Variants in CNTNAP2 observed in about 807,000 individuals in gnomAD.
CNTNAP2 encodes contactin associated protein 2.
Under a neutral mutation model 155.2 loss-of-function variants are expected in CNTNAP2, and 98 were observed. The observed-to-expected ratio is 0.63, with a 90% CI of 0.54 to 0.75. CNTNAP2 has a LOEUF of 0.75. Ranked by LOEUF, CNTNAP2 falls within the 30% of genes least tolerant of loss-of-function variation. The pLI is 0.00. For synonymous variants in CNTNAP2, 651 were observed against 631.2 expected (o/e 1.03, Z -0.47); for missense variants, 1,727 against 1,688.1 (o/e 1.02, Z -0.40).
chr7:147,679,651 A>G (rs1057332375), intron 13 of CNTNAP2, among the ~76,000 whole-genome samples: 1 of 151,854 alleles, frequency 6.6e-6, no homozygotes, highest in African/African-American at 2.4e-5. Context: ...AAATCTCTTG[A>G]TGTGCCACAT....
chr7:147,949,127 A>G (rs1473729867), intron 14 of CNTNAP2, among the ~76,000 whole-genome samples: 2 of 151,804 alleles, frequency 1.3e-5, no homozygotes, highest in South Asian at 2.1e-4. Context: ...CTTGAACCCA[A>G]GAGGCGGAGG....
chr7:147,210,342 A>G (rs562491608), intron 8 of CNTNAP2, among the ~76,000 whole-genome samples: 19 of 152,044 alleles, frequency 1.2e-4, no homozygotes, highest in African/African-American at 4.6e-4. Context: ...TGTTTTCAGG[A>G]ATTTATCCAT....
chr7:147,180,300 A>G (rs771427561), intron 8 of CNTNAP2, among the ~76,000 whole-genome samples: 2 of 152,164 alleles, frequency 1.3e-5, no homozygotes, highest in Non-Finnish European at 2.9e-5. Flanking sequence ...TTTTGGAGTG[A>G]CTAATCAAAA....
At chr7:146,827,747 C>G (rs1803433997) in intron 2 of CNTNAP2, among the ~76,000 whole-genome samples, 1 of 151,948 alleles carries the variant, frequency 6.6e-6, no homozygotes. Flanking sequence ...TTGATATTTG[C>G]CTTCAACTGA....
chr7:147,760,619 C>T (rs1797283874), intron 13 of CNTNAP2, among the ~76,000 whole-genome samples: 1 of 152,162 alleles, frequency 6.6e-6, no homozygotes, highest in East Asian at 1.9e-4. Context: ...ATAATTTTTC[C>T]TGGCCTTCTG....
At chr7:148,013,838 T>C (rs542629189) in intron 15 of CNTNAP2, among the ~76,000 whole-genome samples, 1 of 152,276 alleles carries the variant, frequency 6.6e-6, no homozygotes, top group South Asian at 2.1e-4. Flanking sequence ...AATATGGCCC[T>C]CTGTGGAATT....
intron 20 of CNTNAP2, among the ~76,000 whole-genome samples, chr7:148,257,816 T>G (rs4726936): frequency 0.7 from 105,775 of 151,934 alleles, 37,233 homozygotes; most frequent in South Asian, 0.85. Context: ...AAACTCGATG[T>G]CAATAAAATG....
At chr7:147,861,092 T>A (rs1223607198) in intron 13 of CNTNAP2, among the ~76,000 whole-genome samples, 1 of 152,208 alleles carries the variant, frequency 6.6e-6, no homozygotes, top group African/African-American at 2.4e-5. Flanking sequence ...CAACCACACT[T>A]CTGTTTGTGA....
intron 1 of CNTNAP2, among the ~76,000 whole-genome samples, chr7:146,309,784 C>A (rs957781096): frequency 4.7e-5 from 7 of 149,338 alleles, no homozygotes. Flanking sequence ...CTGGGTGACC[C>A]AGTGAGACTC....
chr7:147,204,685 T>C (rs536450630), intron 8 of CNTNAP2, among the ~76,000 whole-genome samples: 14 of 152,288 alleles, frequency 9.2e-5, no homozygotes, highest in African/African-American at 3.4e-4. Flanking sequence ...GTATCAATAT[T>C]GCTTCATTAA....
At chr7:147,167,935 T>A (rs182465004) in intron 8 of CNTNAP2, among the ~76,000 whole-genome samples, 2,401 of 151,466 alleles carry the variant, frequency 0.016, 27 homozygotes, top group South Asian at 0.041. Context: ...AATATCTTTT[T>A]AAAAATATAT....
intron 18 of CNTNAP2, among the ~76,000 whole-genome samples, chr7:148,196,231 T>A (rs769418314): frequency 1.4e-4 from 22 of 152,128 alleles, no homozygotes; most frequent in African/African-American, 4.6e-4. Flanking sequence ...CCCTGAAAAA[T>A]TTTTTTGACT....
At chr7:146,413,299 TTA>T (rs1331881264) in intron 1 of CNTNAP2, among the ~76,000 whole-genome samples, 1 of 152,174 alleles carries the variant, frequency 6.6e-6, no homozygotes, top group Non-Finnish European at 1.5e-5. Flanking sequence ...TGTTTGGATC[TTA>T]TTTCACGGCT....
At chr7:146,733,881 T>C (rs1001776268) in intron 1 of CNTNAP2, among the ~76,000 whole-genome samples, 7 of 152,166 alleles carry the variant, frequency 4.6e-5, no homozygotes, top group African/African-American at 1.7e-4. Flanking sequence ...AGTTTCATAG[T>C]TCTTTTTCTG....
intron 1 of CNTNAP2, among the ~76,000 whole-genome samples, chr7:146,324,020 A>G (rs1436597841): frequency 1.3e-5 from 2 of 152,170 alleles, no homozygotes; most frequent in South Asian, 2.1e-4. Context: ...AGGACTGTGC[A>G]TTGGTAAACT....
At chr7:147,997,283 G>A (rs1396421861) in intron 15 of CNTNAP2, among the ~76,000 whole-genome samples, 1 of 152,214 alleles carries the variant, frequency 6.6e-6, no homozygotes, top group African/African-American at 2.4e-5. Flanking sequence ...GCTGGGTGTG[G>A]TGGCTCAGGC....
intron 4 of CNTNAP2, among the ~76,000 whole-genome samples, chr7:147,046,857 G>A (rs150984744): frequency 0.073 from 11,119 of 151,636 alleles, 551 homozygotes; most frequent in Middle Eastern, 0.14. Context: ...GTGAAACCCC[G>A]TCTCTACTAA....
At chr7:148,394,982 G>A (rs925126865) in intron 22 of CNTNAP2, among the ~76,000 whole-genome samples, 28 of 152,212 alleles carry the variant, frequency 1.8e-4, no homozygotes, top group East Asian at 7.7e-4. Flanking sequence ...GATAATACCC[G>A]TTATTTTATC....
intron 3 of CNTNAP2, among the ~76,000 whole-genome samples, chr7:146,869,679 A>G (rs569731577): frequency 6.6e-6 from 1 of 152,254 alleles, no homozygotes; most frequent in African/African-American, 2.4e-5. Flanking sequence ...TATAAGTCCA[A>G]GAGTCCCAAA....
Sources: allele counts gnomAD v4.1 joint callset (sites outside exome capture counted in the v4.1 genomes callset), GRCh38; gene constraint gnomAD v4.1.1; transcripts MANE v1.5; gene names NCBI Gene and HGNC (gene_info 2026-07-23, HGNC 2026-07-21).